The following ABCC8 variants were observed in gnomAD, a reference collection of about 807,000 sequenced individuals.
ABCC8 encodes ATP binding cassette subfamily C member 8.
In ABCC8, 137 loss-of-function variants were observed where a neutral mutation model predicts 188.0. The ratio of observed to expected loss-of-function variants is 0.73; its 90% CI spans 0.63 to 0.84. The LOEUF (loss-of-function observed/expected upper bound fraction) is 0.84. Among genes scored for constraint, ABCC8 ranks in the 40% least tolerant of loss-of-function variants. The probability of loss-of-function intolerance (pLI) is 0.00; values close to 1 mark genes in which losing one functional copy is unlikely to be tolerated. For missense variants in ABCC8, 1,750 were observed against 2,072.7 expected, an observed-to-expected ratio of 0.84 and a Z score of 3.02; for synonymous variants, 797 against 846.5, an observed-to-expected ratio of 0.94 and a Z score of 1.01.
chr11:17,401,162 A>G (rs73419251), intron 29 of ABCC8, among the ~76,000 whole-genome samples: 1,632 of 152,330 alleles, frequency 0.011, 32 homozygotes, highest in African/African-American at 0.037. Flanking sequence ...TGAGACACCA[A>G]TTGAGAGAGG....
chr11:17,393,623 T>A, intron 38 of ABCC8, 74 bp downstream of exon 38: 1 of 1,602,804 alleles, frequency 6.2e-7, no homozygotes, highest in African/African-American at 1.3e-5. Context: ...CCAGGGGCTG[T>A]GCACTGATGA....
chr11:17,406,281 G>A (rs557889061), intron 26 of ABCC8, among the ~76,000 whole-genome samples: 62 of 152,186 alleles, frequency 4.1e-4, no homozygotes, highest in Non-Finnish European at 7.2e-4. Context: ...AGAGTGAGGG[G>A]AGGGCAGGGA....
Position 17,404,425 on chromosome 11 carries a change from C to T in ABCC8, c.3557+87G>A. ...TTTATTTTTTGGAGGGAACACGACCCTATTACTCTCATAACGATGAGTCTA... is the reference window on the plus strand; with the variant it reads ...TTTATTTTTTGGAGGGAACACGACCTTATTACTCTCATAACGATGAGTCTA... On this transcript the variant is annotated intron_variant, in intron 28 of 38. Transcript: ENST00000389817. This position sits in a 1 kb window ranked among gnomAD's most constrained non-coding sequence, Gnocchi z 4.7. 7.3e-7 allele frequency: 1 copy of T among 1,361,810 alleles called. No individual in the cohort carries two copies. Among genetic ancestry groups the T allele is most frequent in the Non-Finnish European group, 1.1e-6 (1 of 950,664 alleles). 84.4% of individuals were successfully genotyped at this position (1,361,810 alleles called of 1,614,324 possible).
At chr11:17,413,594 A>C (rs1196369090) in intron 19 of ABCC8, 116 bp from the exon 20 acceptor site, 1 of 1,602,190 alleles carries the variant, frequency 6.2e-7, no homozygotes, top group East Asian at 2.2e-5. Context: ...AATGGCTTTA[A>C]TAGGCCTCCC....
intron 20 of ABCC8, 115 bp from the exon 21 acceptor site, chr11:17,412,861 G>A: frequency 1.9e-6 from 3 of 1,538,720 alleles, no homozygotes; most frequent in Non-Finnish European, 2.6e-6. Context: ...CCACTTCTTT[G>A]CCTGCTTCTC....
Position 17,406,787 on chromosome 11 carries a change from T to A in ABCC8, c.3164A>T (p.Glu1055Val). ...ATAGACAGTCTGGTCGAGGGTGCACTCCTTCACAGGCAGAGAGTGATTTGG... is the reference window on the plus strand; with the variant it reads ...ATAGACAGTCTGGTCGAGGGTGCACACCTTCACAGGCAGAGAGTGATTTGG... Reference protein sequence around the residue: ...PAARNCSLSQECTLDQTVYAM... With the variant: ...PAARNCSLSQVCTLDQTVYAM... The change falls in exon 26 of 39, where the codon GAG becomes GTG. Residue 1055 changes from glutamate to valine, a missense_variant and splice_region_variant. Transcript: ENST00000389817. 3 of 1,614,208 alleles carry A rather than the reference T, an allele frequency of 1.9e-6. No homozygotes were observed. Among genetic ancestry groups the A allele is most frequent in the Non-Finnish European group, 2.5e-6 (3 of 1,180,034 alleles).
chr11:17,449,884 A>T (rs1956693517), intron 7 of ABCC8, among the ~76,000 whole-genome samples: 1 of 152,198 alleles, frequency 6.6e-6, no homozygotes. Flanking sequence ...GTTTATATAT[A>T]CCATGGGTAA....
intron 16 of ABCC8, among the ~76,000 whole-genome samples, chr11:17,426,030 T>C (rs1031817882): frequency 6.6e-6 from 1 of 152,342 alleles, no homozygotes; most frequent in Non-Finnish European, 1.5e-5. Flanking sequence ...CTTTTTTATG[T>C]CTGCATAGTA....
chr11:17,413,372 C>T (rs1311668367), intron 20 of ABCC8, 22 bp downstream of exon 20: 1 of 1,614,064 alleles, frequency 6.2e-7, no homozygotes, highest in African/African-American at 1.3e-5. Context: ...TTTGAAAAAA[C>T]CCCTCAGAGG....
intron 8 of ABCC8, chr11:17,448,262 A>G: frequency 2.0e-6 from 1 of 491,594 alleles, no homozygotes; most frequent in East Asian, 3.8e-5. Context: ...ATTTTTCTAT[A>G]GTTTATAAAG....
At chr11:17,430,651 C>G (rs900494252) in intron 12 of ABCC8, 163 bp downstream of exon 12, 1 of 834,758 alleles carries the variant, frequency 1.2e-6, no homozygotes, top group African/African-American at 1.7e-5. Flanking sequence ...GGAAACCATA[C>G]AGGCCAATGT....
intron 3 of ABCC8, chr11:17,465,684 C>T (rs1848104243): frequency 6.6e-6 from 1 of 152,186 alleles, no homozygotes; most frequent in Non-Finnish European, 1.5e-5. Flanking sequence ...CGCCCCACAC[C>T]TCTCCCATTA....
At chr11:17,443,945 G>A (rs1956423786) in intron 8 of ABCC8, among the ~76,000 whole-genome samples, 1 of 152,140 alleles carries the variant, frequency 6.6e-6, no homozygotes, top group Non-Finnish European at 1.5e-5. Flanking sequence ...AGTTTCTCAG[G>A]TTGCCTTCAA....
In ABCC8 at chr11:17,406,974, G is replaced by A. The variant is rs1354438772; in HGVS notation, c.3076C>T (p.Leu1026=). ...GCCAGCCAGTAGTCGATGGCCACCA[G>A]GACCATGTGCTTGAGCAGCTGTGAG... The part of the protein sequence containing the change: ...VFSQLLKHMV[L]VAIDYWLAKW... Residue 1026 remains leucine, a synonymous_variant, in exon 25 of 39, where the codon CTG becomes TTG. Transcript: ENST00000389817. 5 of 1,614,228 alleles carry A rather than the reference G, an allele frequency of 3.1e-6. No homozygotes were observed. The highest frequency in any genetic ancestry group is 3.4e-6 in the Non-Finnish European group (4 of 1,180,052).
Position 17,402,577 on chromosome 11 carries a change from A to C in ABCC8, c.3650+84T>G, listed in dbSNP as rs1264440393. On this transcript the variant is annotated intron_variant, in intron 29 of 38. Coordinates refer to ENST00000389817, the MANE Select transcript of ABCC8 (RefSeq NM_000352.6). ...ACGTGTCCTTGGCCTTCCCAAGTGG[A>C]GTCCTGAGAATCAAATCTCATGGCC... The C allele has an allele frequency of 2.5e-6, 4 of 1,612,816 alleles. No homozygotes were observed. The Admixed American group carries it at 6.7e-5, about 27-fold the overall frequency.
intron 22 of ABCC8, 33 bp downstream of exon 22, chr11:17,410,483 C>T: frequency 6.2e-7 from 1 of 1,611,848 alleles, no homozygotes; most frequent in Admixed American, 1.7e-5. Flanking sequence ...CCAGCCCTGC[C>T]CCCTATAGCC....
intron 29 of ABCC8, 48 bp downstream of exon 29, chr11:17,402,612 TG>T (rs1391908080): frequency 6.2e-7 from 1 of 1,614,012 alleles, no homozygotes; most frequent in Non-Finnish European, 8.5e-7. Flanking sequence ...CTGTGCCCCC[TG>T]GCCCCACCCC....
chr11:17,426,273 A>T (rs892883388), intron 16 of ABCC8, among the ~76,000 whole-genome samples: 2 of 152,164 alleles, frequency 1.3e-5, no homozygotes, highest in African/African-American at 4.8e-5. Context: ...TGTCTTCCAC[A>T]ATGGTTGAAC....
At position 17,395,207 on chromosome 11, in the gene ABCC8, A is replaced by G; in HGVS notation, c.4376T>C (p.Leu1459Pro). Reference sequence around the variant, plus strand: ...TGGCAGTGCCTTCACCACCAGCTTCAGCTGGGCGATTTCCAGGGCCTCCCA... The same window carrying G: ...TGGCAGTGCCTTCACCACCAGCTTCGGCTGGGCGATTTCCAGGGCCTCCCA... Reference protein sequence around the residue: ...TLWEALEIAQLKLVVKALPGG... With the variant: ...TLWEALEIAQPKLVVKALPGG... The change falls in exon 36 of 39, where the codon CTG (leucine) becomes CCG (proline). Residue 1459 changes from leucine (L) to proline (P), a missense_variant. By Grantham distance (98) the Leu-to-Pro change is moderately conservative. Coordinates refer to ENST00000389817, the MANE Select transcript of ABCC8 (RefSeq NM_000352.6). 6.3e-7 allele frequency: 1 copy of G among 1,594,078 alleles called. No individual in the cohort carries two copies. The highest frequency in any genetic ancestry group is 8.6e-7 in the Non-Finnish European group (1 of 1,168,804).
Sources: allele counts gnomAD v4.1 joint callset (sites outside exome capture counted in the v4.1 genomes callset), GRCh38; gene constraint gnomAD v4.1.1; non-coding constraint Gnocchi (gnomAD v3.1); transcripts MANE v1.5; gene names NCBI Gene and HGNC (gene_info 2026-07-23, HGNC 2026-07-21).